UGT1A8: variants seen among roughly 807,000 people sequenced by gnomAD.
UGT1A8 encodes the protein UDP glucuronosyltransferase family 1 member A8, also known as UDP-glucuronosyltransferase 1A8.
Under a neutral mutation model 45.3 loss-of-function variants are expected in UGT1A8, and 39 were observed. The ratio of observed to expected loss-of-function variants is 0.86; its 90% CI spans 0.67 to 1.12. The LOEUF (loss-of-function observed/expected upper bound fraction) is 1.12, where lower values mean the gene tolerates loss of function less well. Ranked by LOEUF, UGT1A8 falls within the 50% of genes most tolerant of loss-of-function variation. The probability of loss-of-function intolerance (pLI) is 0.00; values close to 1 mark genes in which losing one functional copy is unlikely to be tolerated. For synonymous variants in UGT1A8, 275 were observed against 249.2 expected (o/e 1.10, Z -0.97); for missense variants, 719 against 664.9 (o/e 1.08, Z -0.90).
intron 1 of UGT1A8, among the ~76,000 whole-genome samples, chr2:233,663,593 A>T (rs1385255574): frequency 2.0e-5 from 3 of 152,124 alleles, no homozygotes; most frequent in Non-Finnish European, 4.4e-5. Context: ...ATGAATCCTA[A>T]ACCATAATTT....
intron 1 of UGT1A8, among the ~76,000 whole-genome samples, chr2:233,765,525 A>G (rs1329952354): frequency 6.6e-6 from 1 of 152,210 alleles, no homozygotes; most frequent in East Asian, 1.9e-4. Flanking sequence ...CAAACACCGC[A>G]TGTTCTCACT....
chr2:233,682,435 G>T, intron 1 of UGT1A8: 1 of 1,613,760 alleles, frequency 6.2e-7, no homozygotes, highest in Non-Finnish European at 8.5e-7. Context: ...TCCCCTCTGT[G>T]GTCTTCGCCA....
At chr2:233,710,778 A>G (rs2076147755) in intron 1 of UGT1A8, among the ~76,000 whole-genome samples, 1 of 152,244 alleles carries the variant, frequency 6.6e-6, no homozygotes, top group African/African-American at 2.4e-5. Flanking sequence ...CAATTTTAGC[A>G]AACGTTTTGT....
At chr2:233,743,750 A>G in intron 1 of UGT1A8, 1 of 1,367,324 alleles carries the variant, frequency 7.3e-7, no homozygotes, top group Non-Finnish European at 9.8e-7. Flanking sequence ...GGCGTCCGAC[A>G]ACACCTCGTA....
Position 233,772,366 on chromosome 2 carries a change from G to T in UGT1A8, c.1400G>T (p.Gly467Val). Residue 467 changes from glycine (G) to valine (V), a missense_variant, in exon 5 of 5, where the codon GGC (glycine) becomes GTC (valine). Physicochemically the swap from Gly to Val is moderately radical, Grantham distance 109. Transcript: ENST00000373450. ...GTGGAGTTTGTGATGAGGCACAAGG[G>T]CGCGCCACACCTGCGCCCCGCAGCC... ...FWVEFVMRHK[G>V]APHLRPAAHD... The T allele has an allele frequency of 6.2e-7, 1 of 1,614,234 alleles. No individual in the cohort carries two copies. The highest frequency in any genetic ancestry group is 8.5e-7 in the Non-Finnish European group (1 of 1,180,048).
At chr2:233,760,415 T>C in intron 1 of UGT1A8, 2 of 1,614,208 alleles carry the variant, frequency 1.2e-6, no homozygotes, top group Admixed American at 1.7e-5. Flanking sequence ...TGGCTGAGCA[T>C]GCTTGGGGCC....
chr2:233,687,194 T>C (rs776003891), intron 1 of UGT1A8, among the ~76,000 whole-genome samples: 2 of 152,160 alleles, frequency 1.3e-5, no homozygotes, highest in South Asian at 2.1e-4. Flanking sequence ...ATACCCGTAA[T>C]TGGGTGGGTG....
At chr2:233,695,130 C>CTTTCTT (rs1364557158) in intron 1 of UGT1A8, among the ~76,000 whole-genome samples, 6 of 138,838 alleles carry the variant, frequency 4.3e-5, no homozygotes, top group Non-Finnish European at 7.7e-5. Flanking sequence ...CTTTTCTTTT[C>CTTTCTT]TTTTTTTTTT....
At chr2:233,713,613 C>A (rs769573194) in intron 1 of UGT1A8, 8 of 1,614,012 alleles carry the variant, frequency 5.0e-6, no homozygotes, top group African/African-American at 2.7e-5. Context: ...CATGACATTC[C>A]TGCAAAGGGT....
intron 1 of UGT1A8, chr2:233,718,964 G>C: frequency 6.2e-7 from 1 of 1,614,222 alleles, no homozygotes; most frequent in Non-Finnish European, 8.5e-7. Flanking sequence ...GGGAGGCCTT[G>C]CGGGAGCTCC....
At chr2:233,667,574 C>T (rs1334523065) in intron 1 of UGT1A8, among the ~76,000 whole-genome samples, 1 of 152,148 alleles carries the variant, frequency 6.6e-6, no homozygotes, top group Non-Finnish European at 1.5e-5. Context: ...GCAAAAGAAA[C>T]TACCATCAGA....
chr2:233,679,120 A>AAG (rs1391260273), intron 1 of UGT1A8, among the ~76,000 whole-genome samples: 2 of 152,130 alleles, frequency 1.3e-5, no homozygotes, highest in African/African-American at 2.4e-5. Flanking sequence ...AAATTTCCTT[A>AAG]AGACACCTGA....
chr2:233,671,930 C>G, intron 1 of UGT1A8: 4 of 1,602,274 alleles, frequency 2.5e-6, no homozygotes, highest in Non-Finnish European at 3.4e-6. Flanking sequence ...AGCTGCAGTT[C>G]TCTGATGGCT....
intron 1 of UGT1A8, among the ~76,000 whole-genome samples, chr2:233,625,174 T>G (rs912722528): frequency 2.6e-4 from 40 of 151,942 alleles, no homozygotes; most frequent in African/African-American, 8.7e-4. Context: ...TTTAAAAACA[T>G]AACATATGAA....
At chr2:233,671,738 C>T (rs1428756251) in intron 1 of UGT1A8, 5 of 1,225,370 alleles carry the variant, frequency 4.1e-6, no homozygotes, top group Non-Finnish European at 4.3e-6. Context: ...GGAAAACATA[C>T]AAATAGATAT....
intron 1 of UGT1A8, among the ~76,000 whole-genome samples, chr2:233,696,122 C>T (rs1486929400): frequency 2.6e-5 from 4 of 152,170 alleles, no homozygotes; most frequent in Non-Finnish European, 5.9e-5. Flanking sequence ...AGAACTAGAA[C>T]TGCCCCAATA....
intron 1 of UGT1A8, among the ~76,000 whole-genome samples, chr2:233,684,769 G>C (rs906347974): frequency 2.0e-5 from 3 of 152,104 alleles, no homozygotes; most frequent in Admixed American, 6.5e-5. Context: ...AGATCATAAA[G>C]AGTGCCCTTT....
At chr2:233,747,966 G>C in intron 1 of UGT1A8, 17 of 1,613,448 alleles carry the variant, frequency 1.1e-5, no homozygotes, top group Non-Finnish European at 1.4e-5. Context: ...TCTCAGCCAT[G>C]CATCTGTGTG....
chr2:233,687,722 G>C (rs10203266), intron 1 of UGT1A8, among the ~76,000 whole-genome samples: 58,987 of 151,680 alleles, frequency 0.39, 11,651 homozygotes, highest in South Asian at 0.45. Flanking sequence ...GGACAACATA[G>C]GGAGACACTG....
Sources: gnomAD v4.1 joint callset for allele counts (sites outside exome capture counted in the v4.1 genomes callset) on GRCh38, gnomAD v4.1.1 for gene constraint, MANE v1.5 for transcripts, NCBI Gene and HGNC (gene_info 2026-07-23, HGNC 2026-07-21) for gene names.